NHSL3: variants seen among roughly 807,000 people sequenced by gnomAD.
NHSL3 encodes NHS-like protein 3.
chr1:32,774,752 G>A, the NHSL3 span: 2 of 152,398 alleles, frequency 1.3e-5, no homozygotes, highest in South Asian at 2.1e-4. Context: ...TGTCCTCTGG[G>A]GTAAATGAGC....
At chr1:32,754,032 C>A in the NHSL3 span, 1 of 554,914 alleles carries the variant, frequency 1.8e-6, no homozygotes, top group Non-Finnish European at 3.3e-6. Context: ...GGCTGCGGGC[C>A]CGGCGGCCGG....
chr1:32,771,023 G>T, the NHSL3 span: 7 of 1,601,268 alleles, frequency 4.4e-6, no homozygotes, highest in Non-Finnish European at 6.0e-6. Flanking sequence ...AAACCAGAGC[G>T]TGTCACGTCT....
the NHSL3 span, chr1:32,771,806 C>T: frequency 3.0e-5 from 48 of 1,612,660 alleles, no homozygotes; most frequent in African/African-American, 2.1e-4. Context: ...GACGTAGGTG[C>T]GCCCCTGGTC....
the NHSL3 span, chr1:32,769,801 AGGAGGG>A: frequency 7.3e-7 from 1 of 1,376,648 alleles, no homozygotes; most frequent in Non-Finnish European, 1.0e-6. Flanking sequence ...GGCCTGGGTT[AGGAGGG>A]CAGTGGTGGG....
chr1:32,771,181 G>GC, the NHSL3 span: 1 of 1,609,864 alleles, frequency 6.2e-7, no homozygotes. Flanking sequence ...CAAGGTGCCT[G>GC]CCCCCTTCTC....
chr1:32,769,614 T>C, the NHSL3 span: 1 of 1,297,694 alleles, frequency 7.7e-7, no homozygotes, highest in Non-Finnish European at 1.1e-6. Flanking sequence ...AGTAGTGCCC[T>C]GCAGAATGTG....
the NHSL3 span, chr1:32,754,220 G>T: frequency 6.8e-5 from 48 of 707,592 alleles, no homozygotes; most frequent in African/African-American, 8.3e-4. Flanking sequence ...AGGGAGGAGG[G>T]TCCCTACTGC....
chr1:32,753,945 G>T, the NHSL3 span: 1 of 290,016 alleles, frequency 3.4e-6, no homozygotes. Flanking sequence ...ATTGGCCGCA[G>T]AGCTCGGGGG....
the NHSL3 span, chr1:32,753,995 C>G: frequency 4.9e-6 from 2 of 409,598 alleles, no homozygotes; most frequent in Admixed American, 4.7e-5. Context: ...CGGTGCCCGC[C>G]CGCGAGTCTC....
At chr1:32,771,674 G>T in the NHSL3 span, 3 of 1,611,620 alleles carry the variant, frequency 1.9e-6, no homozygotes, top group South Asian at 2.2e-5. Flanking sequence ...CCCCCGGGTA[G>T]CCCAGACCCT....
chr1:32,769,888 A>G, the NHSL3 span: 1 of 1,609,764 alleles, frequency 6.2e-7, no homozygotes, highest in Non-Finnish European at 8.5e-7. Flanking sequence ...AGGCCTGAGG[A>G]ATGAGCGTGA....
the NHSL3 span, among the ~76,000 whole-genome samples, chr1:32,758,024 C>T: frequency 6.6e-6 from 1 of 152,146 alleles, no homozygotes; most frequent in South Asian, 2.1e-4. Flanking sequence ...AAGGGGAAAT[C>T]AAGACTCAAG....
At chr1:32,754,289 T>A in the NHSL3 span, 1 of 579,812 alleles carries the variant, frequency 1.7e-6, no homozygotes, top group Non-Finnish European at 3.2e-6. Context: ...TGTGGGGGGG[T>A]CGGGAATCCC....
the NHSL3 span, chr1:32,765,765 C>A: frequency 1.9e-5 from 29 of 1,547,620 alleles, no homozygotes; most frequent in African/African-American, 4.1e-5. Flanking sequence ...GTGGCGCCCG[C>A]AGTCATGGTG....
the NHSL3 span, among the ~76,000 whole-genome samples, chr1:32,758,240 T>C: frequency 2.0e-5 from 3 of 152,114 alleles, no homozygotes; most frequent in African/African-American, 4.8e-5. Context: ...TGGATGTGAA[T>C]TGGTAACCCA....
At chr1:32,772,988 TAGAG>T in the NHSL3 span, 38 of 1,161,620 alleles carry the variant, frequency 3.3e-5, 1 homozygote, top group Admixed American at 2.2e-4. Flanking sequence ...CACAACCTAA[TAGAG>T]AGGGCGCCTG....
the NHSL3 span, among the ~76,000 whole-genome samples, chr1:32,742,456 C>T: frequency 1.3e-5 from 2 of 152,232 alleles, no homozygotes; most frequent in Non-Finnish European, 2.9e-5. Context: ...GCTGGTAGCC[C>T]GACTCCAGGG....
chr1:32,751,694 G>A, the NHSL3 span, among the ~76,000 whole-genome samples: 2 of 152,144 alleles, frequency 1.3e-5, no homozygotes, highest in East Asian at 1.9e-4. Flanking sequence ...GTAGAGCAGG[G>A]CATTGAGAAT....
the NHSL3 span, among the ~76,000 whole-genome samples, chr1:32,750,145 G>A: frequency 8.5e-5 from 13 of 152,320 alleles, no homozygotes; most frequent in Admixed American, 2.6e-4. Context: ...CCTCTAGCCC[G>A]TTGGCAGACT....
Sources: gnomAD v4.1 joint callset for allele counts (sites outside exome capture counted in the v4.1 genomes callset) on GRCh38, gnomAD v4.1.1 for gene constraint, MANE v1.5 for transcripts, NCBI Gene and HGNC (gene_info 2026-07-23, HGNC 2026-07-21) for gene names.